Variants in ROBO2 observed in about 807,000 individuals in gnomAD.
ROBO2 encodes roundabout guidance receptor 2.
In ROBO2, 53 loss-of-function variants were observed where a neutral mutation model predicts 160.8. That is an observed-to-expected ratio of 0.33 (90% CI 0.26 to 0.41). The LOEUF is 0.41. Ranked by LOEUF, ROBO2 falls within the 10% of genes least tolerant of loss-of-function variation. The pLI is 1.00. For synonymous variants in ROBO2, 664 were observed against 611.7 expected (o/e 1.09, Z -1.26); for missense variants, 1,577 against 1,722.4 (o/e 0.92, Z 1.49).
chr3:76,324,429 T>C (rs1397532206), intron 2 of ROBO2, among the ~76,000 whole-genome samples: 1 of 152,202 alleles, frequency 6.6e-6, no homozygotes, highest in Non-Finnish European at 1.5e-5. Flanking sequence ...GGGTGGTTTC[T>C]AAAGGTCACT....
chr3:76,876,974 C>T (rs914771014), intron 2 of ROBO2, among the ~76,000 whole-genome samples: 1 of 151,618 alleles, frequency 6.6e-6, no homozygotes, highest in Non-Finnish European at 1.5e-5. Context: ...ATTTTTAAGA[C>T]ACTAAAATTT....
chr3:76,093,223 T>C (rs1340185593), intron 2 of ROBO2, among the ~76,000 whole-genome samples: 2 of 152,092 alleles, frequency 1.3e-5, no homozygotes, highest in African/African-American at 4.8e-5. Flanking sequence ...GTCCCTGACA[T>C]TAACACCATC....
intron 2 of ROBO2, among the ~76,000 whole-genome samples, chr3:77,114,123 C>T: frequency 6.6e-6 from 1 of 152,084 alleles, no homozygotes; most frequent in Non-Finnish European, 1.5e-5. Context: ...ATTAACTACT[C>T]CTGTGATTTG....
At position 77,527,013 on chromosome 3, in the gene ROBO2, C is replaced by T. The variant is rs150678988; in HGVS notation, c.934+4111C>T. On this transcript the variant is annotated intron_variant, in intron 6 of 25. Transcript: ENST00000461745. ...TCCAATTGCTATTTAAATCAGACAG[C>T]GAGGCCTTCTTTTATTGACATGACA... 5.9e-5 allele frequency among the ~76,000 whole-genome samples: 9 copies of T among 151,436 alleles called. No homozygotes were observed. The East Asian group carries it at 9.8e-4, about 16-fold the overall frequency.
chr3:76,456,010 GATA>G (rs1474830160), intron 2 of ROBO2, among the ~76,000 whole-genome samples: 1 of 152,068 alleles, frequency 6.6e-6, no homozygotes, highest in East Asian at 1.9e-4. Context: ...TCTTTGTGTT[GATA>G]ATAAGACAAT....
intron 2 of ROBO2, among the ~76,000 whole-genome samples, chr3:76,547,381 G>C (rs1358799492): frequency 6.6e-6 from 1 of 151,666 alleles, no homozygotes; most frequent in Non-Finnish European, 1.5e-5. Context: ...CCTATGTATT[G>C]TCATTTGTAT....
intron 6 of ROBO2, 120 bp from the exon 8 acceptor site, chr3:77,546,217 AT>A: frequency 9.2e-7 from 1 of 1,092,158 alleles, no homozygotes; most frequent in African/African-American, 1.6e-5. Flanking sequence ...GTAAAAGTAA[AT>A]AAAAAACTGT....
intron 2 of ROBO2, among the ~76,000 whole-genome samples, chr3:76,917,861 G>C (rs1212733776): frequency 6.6e-6 from 1 of 152,176 alleles, no homozygotes; most frequent in Non-Finnish European, 1.5e-5. Context: ...AGGGGAGCCA[G>C]AGCATGAGGA....
At position 77,636,502 on chromosome 3, in the gene ROBO2, G is replaced by T. The variant is rs768309536; in HGVS notation, c.3934+1459G>T. ...AGCTACTGAGGAGGCTGAGGCAGGAGAATTGCTTGAACCAGGGAGTCAGAG... is the reference window on the plus strand; with the variant it reads ...AGCTACTGAGGAGGCTGAGGCAGGATAATTGCTTGAACCAGGGAGTCAGAG... On this transcript the variant is annotated intron_variant, in intron 24 of 25. Transcript: ENST00000461745. Among the ~76,000 whole-genome samples, 3 of 152,028 alleles carry T rather than the reference G, an allele frequency of 2.0e-5. 1 individual carries two copies. Among genetic ancestry groups the T allele is most frequent in the Admixed American group, 1.3e-4 (2 of 15,266 alleles).
chr3:77,546,733 C>T (rs115282481), intron 7 of ROBO2, among the ~76,000 whole-genome samples: 1,962 of 152,112 alleles, frequency 0.013, 19 homozygotes, highest in Non-Finnish European at 0.016. Context: ...CCAACCAAAA[C>T]CTCTGTAGCT....
chr3:76,273,933 G>C (rs1707762001), intron 2 of ROBO2, among the ~76,000 whole-genome samples: 1 of 152,084 alleles, frequency 6.6e-6, no homozygotes, highest in Non-Finnish European at 1.5e-5. Context: ...ATTTGTCAAG[G>C]GTCTTCTTGC....
intron 2 of ROBO2, among the ~76,000 whole-genome samples, chr3:77,245,908 T>C (rs2089669400): frequency 6.6e-6 from 1 of 152,228 alleles, no homozygotes; most frequent in South Asian, 2.1e-4. Context: ...GTCTGAGGCA[T>C]AAAAATAAAC....
intron 2 of ROBO2, among the ~76,000 whole-genome samples, chr3:76,024,750 T>G (rs1037389028): frequency 8.6e-5 from 13 of 151,596 alleles, no homozygotes; most frequent in Non-Finnish European, 1.8e-4. Context: ...GATAGCTCGG[T>G]TGGAAATGTA....
intron 2 of ROBO2, among the ~76,000 whole-genome samples, chr3:76,735,792 A>G (rs1191532816): frequency 1.6e-5 from 2 of 124,564 alleles, no homozygotes; most frequent in Non-Finnish European, 3.4e-5. Context: ...AAAAAGGGGA[A>G]AGGGAAAAGA....
At chr3:77,619,202 A>G (rs2094847763) in intron 22 of ROBO2, among the ~76,000 whole-genome samples, 1 of 152,140 alleles carries the variant, frequency 6.6e-6, no homozygotes, top group Non-Finnish European at 1.5e-5. Flanking sequence ...TTTATATGCT[A>G]TAGTTTCCCC....
At chr3:77,022,136 G>A (rs936064631) in intron 2 of ROBO2, among the ~76,000 whole-genome samples, 11 of 151,784 alleles carry the variant, frequency 7.2e-5, no homozygotes, top group South Asian at 2.1e-4. Flanking sequence ...TTGGGAAGCC[G>A]AGGCAGGCAG....
chr3:76,824,618 G>A (rs1444275105), intron 2 of ROBO2, among the ~76,000 whole-genome samples: 1 of 152,106 alleles, frequency 6.6e-6, no homozygotes, highest in African/African-American at 2.4e-5. Context: ...ATCCAGTCAG[G>A]AGACAGAAGC....
chr3:76,072,237 G>A (rs571241195), intron 2 of ROBO2, among the ~76,000 whole-genome samples: 9 of 86,224 alleles, frequency 1.0e-4, no homozygotes, highest in Non-Finnish European at 1.4e-4. Context: ...TCTTTCCCCC[G>A]CAAAAAAAAA....
chr3:77,087,754 A>G (rs1224936054), intron 1 of ROBO2, among the ~76,000 whole-genome samples: 5 of 151,968 alleles, frequency 3.3e-5, no homozygotes, highest in African/African-American at 9.7e-5. Flanking sequence ...GTGTACATAT[A>G]CATATGTGTG....
Sources: allele counts gnomAD v4.1 joint callset (sites outside exome capture counted in the v4.1 genomes callset), GRCh38; gene constraint gnomAD v4.1.1; transcripts MANE v1.5; gene names NCBI Gene and HGNC (gene_info 2026-07-23, HGNC 2026-07-21).